CCDC178: variants seen among roughly 807,000 people sequenced by gnomAD.
CCDC178 encodes the protein coiled-coil domain-containing protein 178.
A neutral mutation model predicts 117.4 loss-of-function variants in CCDC178; 126 were observed. That is an observed-to-expected ratio of 1.07 (90% CI 0.93 to 1.24). The LOEUF (loss-of-function observed/expected upper bound fraction) is 1.24. Among genes scored for constraint, CCDC178 ranks in the 50% most tolerant of loss-of-function variants. The pLI is 0.00. For missense variants in CCDC178, 1,030 were observed against 986.9 expected (o/e 1.04, Z -0.59); for synonymous variants, 283 against 313.4 (o/e 0.90, Z 1.02).
chr18:33,254,165 T>C (rs981964960), intron 14 of CCDC178, among the ~76,000 whole-genome samples: 1 of 151,474 alleles, frequency 6.6e-6, no homozygotes. Context: ...AGGACGGAGA[T>C]ACTGAAGCAA....
intron 20 of CCDC178, among the ~76,000 whole-genome samples, chr18:33,210,707 T>C (rs769288846): frequency 2.6e-4 from 40 of 152,120 alleles, no homozygotes; most frequent in Non-Finnish European, 4.7e-4. Flanking sequence ...CTCCAATCCA[T>C]TCGTAGCTCA....
intron 22 of CCDC178, among the ~76,000 whole-genome samples, chr18:32,971,165 C>T (rs1568188971): frequency 6.6e-6 from 1 of 151,922 alleles, no homozygotes; most frequent in East Asian, 1.9e-4. Context: ...TAATGTTCTC[C>T]CTCCCCTTAC....
chr18:32,996,920 A>G (rs1035682698), intron 21 of CCDC178, among the ~76,000 whole-genome samples: 4 of 152,192 alleles, frequency 2.6e-5, no homozygotes, highest in Admixed American at 6.5e-5. Flanking sequence ...GCAGAAATGC[A>G]TTATAGATGA....
At chr18:33,154,572 CATAT>C in intron 20 of CCDC178, among the ~76,000 whole-genome samples, 1 of 152,070 alleles carries the variant, frequency 6.6e-6, no homozygotes, top group South Asian at 2.1e-4. Flanking sequence ...TATAATAAAA[CATAT>C]AAATAATGCA....
intron 20 of CCDC178, among the ~76,000 whole-genome samples, chr18:33,108,554 T>G (rs1162559261): frequency 6.6e-6 from 1 of 151,658 alleles, no homozygotes; most frequent in Non-Finnish European, 1.5e-5. Flanking sequence ...ACAGACAGAC[T>G]AAACCATTAT....
At chr18:33,369,290 A>G (rs770555969) in intron 6 of CCDC178, among the ~76,000 whole-genome samples, 28 of 152,036 alleles carry the variant, frequency 1.8e-4, no homozygotes, top group Admixed American at 6.6e-4. Context: ...AAAGCCTGCA[A>G]TCTTGAAGAC....
chr18:33,187,086 G>GGAGAGAGAGAGAGAGAGA (rs58400297), intron 20 of CCDC178, among the ~76,000 whole-genome samples: 40 of 140,100 alleles, frequency 2.9e-4, no homozygotes, highest in Middle Eastern at 7.0e-3. Context: ...CATGGCGGCA[G>GGAGAGAGAGAGAGAGAGA]GAGAGAGAGA....
chr18:33,342,172 C>T (rs1167198054), intron 9 of CCDC178, among the ~76,000 whole-genome samples: 1 of 151,796 alleles, frequency 6.6e-6, no homozygotes, highest in Non-Finnish European at 1.5e-5. Context: ...ATGTTGAAAC[C>T]ATAGAATATC....
chr18:33,366,068 A>G (rs2063201649), intron 6 of CCDC178, among the ~76,000 whole-genome samples: 1 of 152,080 alleles, frequency 6.6e-6, no homozygotes, highest in African/African-American at 2.4e-5. Flanking sequence ...TTCTGACTAC[A>G]TTGGAAATCA....
chr18:33,136,980 C>A (rs183896521), intron 20 of CCDC178, among the ~76,000 whole-genome samples: 1 of 152,142 alleles, frequency 6.6e-6, no homozygotes, highest in Non-Finnish European at 1.5e-5. Flanking sequence ...CAGGCAATAT[C>A]CCTGATCCCA....
intron 21 of CCDC178, among the ~76,000 whole-genome samples, chr18:33,044,034 C>G (rs1001604598): frequency 2.0e-5 from 3 of 150,902 alleles, no homozygotes; most frequent in African/African-American, 7.3e-5. Flanking sequence ...TATATACACA[C>G]ACACACCAGC....
At position 33,203,767 on chromosome 18, in the gene CCDC178, C is replaced by T. The variant is rs1047772278; in HGVS notation, c.2238+8129G>A. On this transcript the variant is annotated intron_variant, in intron 20 of 22. Coordinates refer to ENST00000383096, the MANE Select transcript of CCDC178 (RefSeq NM_001105528.4). ...ACATTATCTCTCTAGCCTCACCTAT[C>T]ATCCTCCTCATTGCTCCCTCTGCCC... 3.9e-5 allele frequency among the ~76,000 whole-genome samples: 6 copies of T among 152,334 alleles called. No homozygotes were observed. In the South Asian group the frequency reaches 6.2e-4, roughly 16 times the overall value.
At position 33,126,370 on chromosome 18, in the gene CCDC178, T is replaced by C. The variant is rs768826244; in HGVS notation, c.2239-33460A>G. Among the ~76,000 whole-genome samples, 119 of 148,962 alleles carry C rather than the reference T, an allele frequency of 8.0e-4. 1 individual carries two copies. Among genetic ancestry groups the C allele is most frequent in the Admixed American group, 1.9e-3 (28 of 14,828 alleles). On this transcript the variant is annotated intron_variant, in intron 20 of 22. Coordinates refer to ENST00000383096, the MANE Select transcript of CCDC178 (RefSeq NM_001105528.4). The stretch of plus-strand genomic sequence containing the variant: ...TAAATATATTTAATTAGTATATGTA[T>C]GTATGTGTTAATGCTACACATTACA...
chr18:33,267,752 AG>A (rs2144771033), intron 12 of CCDC178, among the ~76,000 whole-genome samples: 1 of 151,644 alleles, frequency 6.6e-6, no homozygotes, highest in Non-Finnish European at 1.5e-5. Context: ...GAAAATGAAT[AG>A]GTAATATATC....
chr18:33,291,601 A>G (rs1433829394), intron 12 of CCDC178, among the ~76,000 whole-genome samples: 2 of 152,132 alleles, frequency 1.3e-5, no homozygotes, highest in Non-Finnish European at 2.9e-5. Flanking sequence ...TTACTATACT[A>G]TTATTTATTT....
chr18:32,952,942 T>G (rs1261452460), intron 22 of CCDC178, among the ~76,000 whole-genome samples: 1 of 151,868 alleles, frequency 6.6e-6, no homozygotes, highest in Non-Finnish European at 1.5e-5. Flanking sequence ...CTGGCTAATT[T>G]TTTGTATTTT....
At chr18:33,349,510 T>C (rs370382233) in intron 7 of CCDC178, among the ~76,000 whole-genome samples, 102 of 152,082 alleles carry the variant, frequency 6.7e-4, no homozygotes, top group African/African-American at 2.4e-3. Context: ...CTGTAGTGTC[T>C]TGAGAGGTGA....
At chr18:33,336,524 T>C (rs1599180329) in intron 9 of CCDC178, among the ~76,000 whole-genome samples, 1 of 152,238 alleles carries the variant, frequency 6.6e-6, no homozygotes, top group South Asian at 2.1e-4. Flanking sequence ...TGAGCAAATC[T>C]GACAATTGAA....
At chr18:33,335,610 TTC>T (rs927356095) in intron 9 of CCDC178, among the ~76,000 whole-genome samples, 5 of 152,086 alleles carry the variant, frequency 3.3e-5, no homozygotes, top group African/African-American at 1.2e-4. Flanking sequence ...TAACTATTAC[TTC>T]TCTCTGAGTC....
Sources: gnomAD v4.1 joint callset for allele counts (sites outside exome capture counted in the v4.1 genomes callset) on GRCh38, gnomAD v4.1.1 for gene constraint, MANE v1.5 for transcripts, NCBI Gene and HGNC (gene_info 2026-07-23, HGNC 2026-07-21) for gene names.